Variants in KCNJ8 observed in about 807,000 individuals in gnomAD.
KCNJ8 encodes potassium inwardly rectifying channel subfamily J member 8, also known as ATP-sensitive inward rectifier potassium channel 8.
Under a neutral mutation model 28.2 loss-of-function variants are expected in KCNJ8, and 13 were observed. The observed-to-expected ratio is 0.46, with a 90% CI of 0.30 to 0.73. The LOEUF (loss-of-function observed/expected upper bound fraction) is 0.73. Among genes scored for constraint, KCNJ8 ranks in the 30% least tolerant of loss-of-function variants. The pLI is 0.07. For missense variants in KCNJ8, 284 were observed against 542.6 expected (o/e 0.52, Z 4.73); for synonymous variants, 188 against 195.9 (o/e 0.96, Z 0.34).
chr12:21,767,520 G>A (rs1241861976), intron 2 of KCNJ8, among the ~76,000 whole-genome samples: 6 of 152,054 alleles, frequency 3.9e-5, no homozygotes, highest in South Asian at 4.2e-4. Flanking sequence ...CCCTCCTTAT[G>A]AGAATCTAAT....
chr12:21,766,159 A>G lies in KCNJ8; in HGVS notation c.839T>C (p.Ile280Thr). The change falls in exon 3 of 3, where the codon ATC becomes ACC. Residue 280 changes from isoleucine to threonine, a missense_variant. This residue lies in a region of KCNJ8 where 107 missense variants were observed against 235.6 expected (regional missense o/e 0.45). Coordinates refer to ENST00000240662, the MANE Select transcript of KCNJ8 (RefSeq NM_004982.4). The surrounding 1 kb of genome is among the most constrained non-coding windows in gnomAD (Gnocchi z 6.5). ...VIDKRSPLYD[I>T]SATDLANQDL... The stretch of plus-strand genomic sequence containing the variant: ...TTGGTTGGCCAGGTCAGTTGCTGAG[A>G]TGTCATACAGGGGACTGCGCTTGTC... 2.5e-6 allele frequency: 4 copies of G among 1,614,148 alleles called. No homozygotes were observed. Among genetic ancestry groups the G allele is most frequent in the Non-Finnish European group, 3.4e-6 (4 of 1,180,016 alleles).
chr12:21,773,443 C>G lies in KCNJ8; in HGVS notation c.174G>C (p.Gln58His). ...KNIREQGRFL[Q>H]DIFTTLVDLK... is the part of the protein sequence containing the mutation. Reference sequence around the variant, plus strand: ...GGTCCACCAAGGTGGTGAAGATGTCCTGTAGAAAGCGTCCTTGCTCACGGA... The same window carrying G: ...GGTCCACCAAGGTGGTGAAGATGTCGTGTAGAAAGCGTCCTTGCTCACGGA... Residue 58 changes from glutamine to histidine, a missense_variant, in exon 2 of 3, where the codon CAG (glutamine) becomes CAC (histidine). This residue lies in a region of KCNJ8 where 9 missense variants were observed against 42.8 expected (regional missense o/e 0.21). Transcript: ENST00000240662. This position sits in a 1 kb window ranked among gnomAD's most constrained non-coding sequence, Gnocchi z 4.6. 1 of 1,614,274 alleles carries G rather than the reference C, an allele frequency of 6.2e-7. No homozygotes were observed. Among genetic ancestry groups the G allele is most frequent in the African/African-American group, 1.3e-5 (1 of 75,078 alleles).
chr12:21,765,931 C>T lies in KCNJ8; in HGVS notation c.1067G>A (p.Arg356Gln), dbSNP rs754575556. 7 of 1,614,154 alleles carry T rather than the reference C, an allele frequency of 4.3e-6. No individual in the cohort carries two copies. Among genetic ancestry groups the T allele is most frequent in the South Asian group, 3.3e-5 (3 of 91,078 alleles). The change falls in exon 3 of 3, where the codon CGA becomes CAA. Residue 356 changes from arginine to glutamine, a missense_variant. By Grantham distance (43) the Arg-to-Gln change is conservative (BLOSUM62 1). Transcript: ENST00000240662. ...GATGGAAGGTTTCTCATCCAGCTCT[C>T]GGGCACTGCACCGTGGAGCAGCTAC... Reference protein sequence around the residue: ...VKVAAPRCSARELDEKPSILI... With the variant: ...VKVAAPRCSAQELDEKPSILI...
chr12:21,773,159 A>T lies in KCNJ8; in HGVS notation c.374+84T>A. The T allele has an allele frequency of 1.4e-6, 2 of 1,472,752 alleles. No homozygotes were observed. The highest frequency in any genetic ancestry group is 1.9e-6 in the Non-Finnish European group (2 of 1,064,196). The allele number at this position is 1,472,752 out of a possible 1,614,324, so 91.2% of individuals were successfully genotyped here. A position where few individuals can be genotyped will look rare whatever the true frequency, so the allele number is the denominator to read the frequency against. Reference sequence around the variant, plus strand: ...AAACCCTTTATTTCACTTTCAATTAAATAACAGAATGATAAGAGAAAGGGC... The same window carrying T: ...AAACCCTTTATTTCACTTTCAATTATATAACAGAATGATAAGAGAAAGGGC... On this transcript the variant is annotated intron_variant, in intron 2 of 2. Transcript: ENST00000240662. The surrounding 1 kb of genome is among the most constrained non-coding windows in gnomAD (Gnocchi z 4.6).
At chr12:21,772,792 CTTA>C (rs1940792663) in intron 2 of KCNJ8, among the ~76,000 whole-genome samples, 1 of 151,940 alleles carries the variant, frequency 6.6e-6, no homozygotes, top group Admixed American at 6.6e-5. Flanking sequence ...CCATTTTTTT[CTTA>C]TTATTTCTGA....
At position 21,773,633 on chromosome 12, in the gene KCNJ8, C is replaced by G; in HGVS notation, c.-17G>C. On this transcript the variant is annotated 5_prime_UTR_variant, in exon 2 of 3. Coordinates refer to ENST00000240662, the MANE Select transcript of KCNJ8 (RefSeq NM_004982.4). The surrounding 1 kb of genome is among the most constrained non-coding windows in gnomAD (Gnocchi z 4.6). ...GGCCAACATCGTCCTGTCACCATAG[C>G]CAGCTTAGCCACCTCCCTCTCACCT... is the stretch of plus-strand genomic sequence containing the variant. The G allele has an allele frequency of 6.2e-7, 1 of 1,610,524 alleles. No homozygotes were observed. The highest frequency in any genetic ancestry group is 8.5e-7 in the Non-Finnish European group (1 of 1,180,000).
intron 2 of KCNJ8, among the ~76,000 whole-genome samples, chr12:21,768,178 G>T (rs945127968): frequency 3.9e-5 from 6 of 152,116 alleles, no homozygotes; most frequent in African/African-American, 1.4e-4. Context: ...ACACTCCTAT[G>T]AGAATCTAAT....
Position 21,765,710 on chromosome 12 carries a change from G to T in KCNJ8, c.*13C>A. 1.2e-6 allele frequency: 2 copies of T among 1,612,356 alleles called. No individual in the cohort carries two copies. Among genetic ancestry groups the T allele is most frequent in the South Asian group, 2.2e-5 (2 of 91,008 alleles). ...AAAACTTGATAAAAGACTGTCTTGG[G>T]GTTATCTTGCTGTCATGATTCCGAT... On this transcript the variant is annotated 3_prime_UTR_variant, in exon 3 of 3. Coordinates refer to ENST00000240662, the MANE Select transcript of KCNJ8 (RefSeq NM_004982.4).
intron 1 of KCNJ8, among the ~76,000 whole-genome samples, chr12:21,774,329 ACTT>A (rs1201619845): frequency 6.8e-6 from 1 of 147,372 alleles, no homozygotes; most frequent in Non-Finnish European, 1.5e-5. Context: ...TAAATTGAAA[ACTT>A]TTTTTTTTTT....
intron 2 of KCNJ8, among the ~76,000 whole-genome samples, chr12:21,772,877 A>G (rs1461638984): frequency 1.3e-5 from 2 of 152,190 alleles, no homozygotes; most frequent in Non-Finnish European, 2.9e-5. Context: ...AGAGATATTT[A>G]CCTGTGGGCA....
chr12:21,768,974 G>A (rs1940698541), intron 2 of KCNJ8, among the ~76,000 whole-genome samples: 1 of 152,224 alleles, frequency 6.6e-6, no homozygotes, highest in South Asian at 2.1e-4. Context: ...AGGAGCTGCA[G>A]CAAGTTATCC....
chr12:21,771,369 G>T (rs938438301), intron 2 of KCNJ8, among the ~76,000 whole-genome samples: 1 of 152,176 alleles, frequency 6.6e-6, no homozygotes, highest in Non-Finnish European at 1.5e-5. Context: ...GTGTTTAGCT[G>T]TTTCTTTGTT....
At chr12:21,772,591 T>G (rs994658290) in intron 2 of KCNJ8, among the ~76,000 whole-genome samples, 13 of 152,234 alleles carry the variant, frequency 8.5e-5, no homozygotes, top group African/African-American at 2.7e-4. Context: ...ATATAACCCC[T>G]TCCATAAAAT....
intron 2 of KCNJ8, among the ~76,000 whole-genome samples, chr12:21,768,531 T>A (rs1940688136): frequency 6.6e-6 from 1 of 152,234 alleles, no homozygotes; most frequent in Non-Finnish European, 1.5e-5. Context: ...AAATATTCGC[T>A]GTCTCTCACT....
intron 2 of KCNJ8, among the ~76,000 whole-genome samples, chr12:21,771,532 C>T (rs1940755714): frequency 1.3e-5 from 2 of 152,082 alleles, no homozygotes; most frequent in Non-Finnish European, 2.9e-5. Context: ...AATGGTCAAA[C>T]ATTATTTGGA....
chr12:21,773,153 C>A lies in KCNJ8; in HGVS notation c.374+90G>T. Reference sequence around the variant, plus strand: ...TAAAACAAACCCTTTATTTCACTTTCAATTAAATAACAGAATGATAAGAGA... The same window carrying A: ...TAAAACAAACCCTTTATTTCACTTTAAATTAAATAACAGAATGATAAGAGA... On this transcript the variant is annotated intron_variant, in intron 2 of 2. Coordinates refer to ENST00000240662, the MANE Select transcript of KCNJ8 (RefSeq NM_004982.4). The surrounding 1 kb of genome is among the most constrained non-coding windows in gnomAD (Gnocchi z 4.6). The A allele has an allele frequency of 7.0e-7, 1 of 1,433,678 alleles. No homozygotes were observed. Among genetic ancestry groups the A allele is most frequent in the Non-Finnish European group, 9.7e-7 (1 of 1,029,504 alleles). The allele number at this position is 1,433,678 out of a possible 1,614,324, so 88.8% of individuals were successfully genotyped here.
intron 2 of KCNJ8, among the ~76,000 whole-genome samples, chr12:21,769,360 A>C: frequency 6.6e-6 from 1 of 152,136 alleles, no homozygotes; most frequent in East Asian, 1.9e-4. Context: ...TCAGAAAAAA[A>C]GATTCCTCCA....
rs771972337 is a variant in KCNJ8, at chr12:21,765,781, A to G, written c.1217T>C (p.Met406Thr). Residue 406 changes from methionine to threonine, a missense_variant, in exon 3 of 3, where the codon ATG becomes ACG. This residue lies in a region of KCNJ8 where 50 missense variants were observed against 55.9 expected (regional missense o/e 0.90). Coordinates refer to ENST00000240662, the MANE Select transcript of KCNJ8 (RefSeq NM_004982.4). ...NSIRRNNSSL[M>T]VPKVQFMTPE... Reference sequence around the variant, plus strand: ...AGTCATAAATTGCACCTTTGGTACCATGAGGGAAGAATTGTTCCTTCGGAT... The same window carrying G: ...AGTCATAAATTGCACCTTTGGTACCGTGAGGGAAGAATTGTTCCTTCGGAT... 6.2e-7 allele frequency: 1 copy of G among 1,614,186 alleles called. No homozygotes were observed. Among genetic ancestry groups the G allele is most frequent in the Non-Finnish European group, 8.5e-7 (1 of 1,179,992 alleles).
rs1483526174 is a variant in KCNJ8, at chr12:21,765,640, T to A, written c.*83A>T. 9.0e-7 allele frequency: 1 copy of A among 1,116,626 alleles called. No individual in the cohort carries two copies. Among genetic ancestry groups the A allele is most frequent in the East Asian group, 2.3e-5 (1 of 42,674 alleles). 69.2% of individuals were successfully genotyped at this position (1,116,626 alleles called of 1,614,324 possible). A position where few individuals can be genotyped will look rare whatever the true frequency, so the allele number is the denominator to read the frequency against. On this transcript the variant is annotated 3_prime_UTR_variant, in exon 3 of 3. Transcript: ENST00000240662. ...TAAAATGTAGAAGGACACATTATTG[T>A]GTTCCAGCTCTGGTTCAGTCTGGCA...
Sources: allele counts gnomAD v4.1 joint callset (sites outside exome capture counted in the v4.1 genomes callset), GRCh38; gene constraint gnomAD v4.1.1; regional missense constraint gnomAD v4.1.1; non-coding constraint Gnocchi (gnomAD v3.1); transcripts MANE v1.5; gene names NCBI Gene and HGNC (gene_info 2026-07-23, HGNC 2026-07-21).